The following FSTL4 variants were observed in gnomAD, a reference collection of about 807,000 sequenced individuals.
The protein encoded by FSTL4 is follistatin like 4.
In FSTL4, 28 loss-of-function variants were observed where a neutral mutation model predicts 78.2. The observed-to-expected ratio is 0.36, with a 90% CI of 0.27 to 0.49. The LOEUF (loss-of-function observed/expected upper bound fraction) is 0.49, where lower values mean the gene tolerates loss of function less well. Among genes scored for constraint, FSTL4 ranks in the 20% least tolerant of loss-of-function variants. The pLI is 0.98. For synonymous variants in FSTL4, 422 were observed against 440.5 expected (o/e 0.96, Z 0.53); for missense variants, 922 against 1,084.9 (o/e 0.85, Z 2.11).
chr5:133,544,779 G>A (rs1759541817), intron 3 of FSTL4, among the ~76,000 whole-genome samples: 1 of 152,172 alleles, frequency 6.6e-6, no homozygotes, highest in Non-Finnish European at 1.5e-5. Context: ...CTTTGGTCCC[G>A]GACTAAATCC....
At position 133,249,491 on chromosome 5, in the gene FSTL4, G is replaced by A. The variant is rs138006174; in HGVS notation, c.813C>T (p.Ala271=). Residue 271 remains alanine, a synonymous_variant, in exon 7 of 16, where the codon GCC becomes GCT. Transcript: ENST00000265342. ...TTGGTGGCCTCAGGTCTCCATGGAC[G>A]GCGCAGGTCAGCACTGTGCTCAGCC... ...TVGLSTVLTC[A]VHGDLRPPII... 191 of 1,613,348 alleles carry A rather than the reference G, an allele frequency of 1.2e-4. No individual in the cohort carries two copies. Among genetic ancestry groups the A allele is most frequent in the Admixed American group, 1.5e-4 (9 of 60,028 alleles).
chr5:133,574,978 G>A (rs1195956252), intron 2 of FSTL4: 4 of 152,138 alleles, frequency 2.6e-5, no homozygotes, highest in Non-Finnish European at 5.9e-5. Flanking sequence ...TATCATCTTG[G>A]TGGTGGTCAC....
the FSTL4 span, among the ~76,000 whole-genome samples, chr5:133,707,932 C>A: frequency 6.6e-6 from 1 of 152,030 alleles, no homozygotes; most frequent in Non-Finnish European, 1.5e-5. Flanking sequence ...AGGGCCCTCC[C>A]ATCTGTACTC....
chr5:133,806,142 G>C, the FSTL4 span, among the ~76,000 whole-genome samples: 1 of 152,134 alleles, frequency 6.6e-6, no homozygotes, highest in Non-Finnish European at 1.5e-5. Flanking sequence ...GCAAAAAATT[G>C]AAGTTGAAAT....
At chr5:133,824,535 A>G in the FSTL4 span, among the ~76,000 whole-genome samples, 1 of 152,176 alleles carries the variant, frequency 6.6e-6, no homozygotes, top group East Asian at 1.9e-4. Context: ...GACCAAATGT[A>G]TATTTCACAG....
the FSTL4 span, among the ~76,000 whole-genome samples, chr5:133,769,376 C>G: frequency 6.6e-6 from 1 of 152,320 alleles, no homozygotes; most frequent in Admixed American, 6.5e-5. Flanking sequence ...TGGTAAATCT[C>G]TGGGATTCTG....
chr5:133,490,848 T>C (rs1758252524), intron 3 of FSTL4, among the ~76,000 whole-genome samples: 1 of 152,230 alleles, frequency 6.6e-6, no homozygotes. Flanking sequence ...GTTTTACATA[T>C]AATGAATGGA....
chr5:133,728,070 G>A, the FSTL4 span, among the ~76,000 whole-genome samples: 1 of 152,228 alleles, frequency 6.6e-6, no homozygotes, highest in Admixed American at 6.5e-5. Context: ...CCCAGCACAA[G>A]GACAGGGCCT....
the FSTL4 span, among the ~76,000 whole-genome samples, chr5:133,730,107 G>T: frequency 6.6e-6 from 1 of 152,184 alleles, no homozygotes; most frequent in Admixed American, 6.5e-5. Context: ...CTGATGTGAG[G>T]TTAGCCTGGC....
chr5:133,700,960 C>T, the FSTL4 span, among the ~76,000 whole-genome samples: 4 of 152,168 alleles, frequency 2.6e-5, no homozygotes, highest in Admixed American at 6.5e-5. Context: ...TTGAGAAGGA[C>T]GGGCCTCTCT....
At chr5:133,492,069 G>C (rs182671013) in intron 3 of FSTL4, among the ~76,000 whole-genome samples, 4 of 152,118 alleles carry the variant, frequency 2.6e-5, no homozygotes, top group African/African-American at 7.2e-5. Flanking sequence ...TTCTGTTAGA[G>C]GTTATATTCT....
At chr5:133,471,456 G>A (rs31344) in intron 3 of FSTL4, among the ~76,000 whole-genome samples, 13,462 of 152,128 alleles carry the variant, frequency 0.088, 797 homozygotes, top group African/African-American at 0.17. Context: ...TAGGTCAGGA[G>A]AGTGGAATTC....
At chr5:133,799,554 C>T in the FSTL4 span, among the ~76,000 whole-genome samples, 1 of 138,652 alleles carries the variant, frequency 7.2e-6, no homozygotes, top group African/African-American at 2.6e-5. Context: ...GGCTCTGAGG[C>T]AGGCCCTGGG....
the FSTL4 span, among the ~76,000 whole-genome samples, chr5:133,633,391 C>A: frequency 6.6e-6 from 1 of 152,180 alleles, no homozygotes; most frequent in Non-Finnish European, 1.5e-5. Context: ...TCTGTCCCCT[C>A]CAATCTGCTA....
At chr5:133,334,896 G>T (rs754443033) in intron 4 of FSTL4, among the ~76,000 whole-genome samples, 1 of 152,132 alleles carries the variant, frequency 6.6e-6, no homozygotes, top group Non-Finnish European at 1.5e-5. Flanking sequence ...TGGGGGTGTG[G>T]GTTTTGCCAA....
intron 3 of FSTL4, among the ~76,000 whole-genome samples, chr5:133,431,899 T>G (rs1457343173): frequency 1.3e-5 from 2 of 152,174 alleles, no homozygotes; most frequent in Non-Finnish European, 2.9e-5. Flanking sequence ...ACAATAGTGA[T>G]ACTAGCATTT....
At chr5:133,783,275 A>C in the FSTL4 span, among the ~76,000 whole-genome samples, 3 of 152,058 alleles carry the variant, frequency 2.0e-5, no homozygotes, top group African/African-American at 7.2e-5. Flanking sequence ...TATGGACATG[A>C]CTCCAACCAA....
Position 133,426,408 on chromosome 5 carries a change from G to T in FSTL4, c.161-25422C>A, listed in dbSNP as rs1053057206. Among the ~76,000 whole-genome samples, 15 of 152,120 alleles carry T rather than the reference G, an allele frequency of 9.9e-5. 1 individual carries two copies. Among genetic ancestry groups the T allele is most frequent in the African/African-American group, 3.4e-4 (14 of 41,416 alleles). On this transcript the variant is annotated intron_variant, in intron 3 of 15. Transcript: ENST00000265342. This position sits in a 1 kb window ranked among gnomAD's most constrained non-coding sequence, Gnocchi z 5.0. ...CCATGTCACTTCATGGGGGTTCTGG[G>T]CAGATGAATAGCGCTGCCCTGCCCC...
chr5:133,260,163 C>T (rs1484069995), intron 6 of FSTL4, among the ~76,000 whole-genome samples: 7 of 152,172 alleles, frequency 4.6e-5, no homozygotes, highest in South Asian at 4.1e-4. Context: ...CTGTGTCCGG[C>T]GGGCCGCTCG....
Sources: allele counts gnomAD v4.1 joint callset (sites outside exome capture counted in the v4.1 genomes callset), GRCh38; gene constraint gnomAD v4.1.1; non-coding constraint Gnocchi (gnomAD v3.1); transcripts MANE v1.5; gene names NCBI Gene and HGNC (gene_info 2026-07-23, HGNC 2026-07-21).